The following C20orf96 variants were observed in gnomAD, a reference collection of about 807,000 sequenced individuals.
The protein encoded by C20orf96 is uncharacterized protein C20orf96.
A neutral mutation model predicts 52.6 loss-of-function variants in C20orf96; 57 were observed. That is an observed-to-expected ratio of 1.08 (90% CI 0.88 to 1.35). The LOEUF (loss-of-function observed/expected upper bound fraction) is 1.35. C20orf96 is among the 40% of genes most tolerant of loss of function. The pLI is 0.00. For synonymous variants in C20orf96, 168 were observed against 157.2 expected (o/e 1.07, Z -0.51); for missense variants, 478 against 443.6 (o/e 1.08, Z -0.70).
At chr20:283,931 G>A (rs2012314924) in intron 4 of C20orf96, 32 bp downstream of exon 4, 1 of 1,454,964 alleles carries the variant, frequency 6.9e-7, no homozygotes, top group East Asian at 2.3e-5. Flanking sequence ...CCCTGTCCTG[G>A]GCCCAGTGTC....
chr20:290,215 G>A (rs765212559), intron 2 of C20orf96, 44 bp downstream of exon 2: 7 of 1,494,600 alleles, frequency 4.7e-6, no homozygotes, highest in Non-Finnish European at 6.5e-6. Flanking sequence ...TGGACTGCAG[G>A]GCCAGCGAGC....
Position 279,349 on chromosome 20 carries a change from G to A in C20orf96, c.307-19C>T. 4 of 1,598,060 alleles carry A rather than the reference G, an allele frequency of 2.5e-6. No homozygotes were observed. The highest frequency in any genetic ancestry group is 3.4e-6 in the Non-Finnish European group (4 of 1,178,148). ...GCGAGGTCTGCGGGCGGAGGGAAGA[G>A]CAGAGAGGCGGCGCTGCGCCCTGCC... On this transcript the variant is annotated intron_variant, in intron 4 of 10. Coordinates refer to ENST00000360321, the MANE Select transcript of C20orf96 (RefSeq NM_153269.3).
At chr20:281,726 C>G (rs1179085233) in intron 4 of C20orf96, among the ~76,000 whole-genome samples, 1 of 152,206 alleles carries the variant, frequency 6.6e-6, no homozygotes, top group Non-Finnish European at 1.5e-5. Flanking sequence ...CACCTGTAAT[C>G]CCAGCACTTT....
At chr20:287,908 C>CAAAAAAAAAAAAAAAAAAAAAAAAA (rs71327437) in intron 3 of C20orf96, among the ~76,000 whole-genome samples, 2 of 63,088 alleles carry the variant, frequency 3.2e-5, no homozygotes, top group African/African-American at 1.1e-4. Context: ...GACTCCTTCT[C>CAAAAAAAAAAAAAAAAAAAAAAAAA]AAAAAAAAAA....
intron 10 of C20orf96, among the ~76,000 whole-genome samples, chr20:271,547 G>A (rs76606702): frequency 0.032 from 4,865 of 152,128 alleles, 169 homozygotes; most frequent in African/African-American, 0.089. Context: ...ACAAGTCTGA[G>A]GTCAAGAGGG....
In C20orf96 at chr20:279,203, C is replaced by A; in HGVS notation, c.434G>T (p.Arg145Leu). 6 of 1,605,240 alleles carry A rather than the reference C, an allele frequency of 3.7e-6. No individual in the cohort carries two copies. The highest frequency in any genetic ancestry group is 1.1e-5 in the South Asian group (1 of 90,740). The change falls in exon 5 of 11, where the codon CGG (arginine) becomes CTG (leucine). Residue 145 changes from arginine to leucine, a missense_variant. Physicochemically the swap from Arg to Leu is moderately radical, Grantham distance 102. Transcript: ENST00000360321. ...GGTGTCCTGCTGCTGCAGCAGGGCC[C>A]GCACGTGCAGGGTCGTGCTGTTCTC... ...EMENSTTLHVRALLQQQDTLA... is the reference protein window; with the variant it reads ...EMENSTTLHVLALLQQQDTLA...
At position 283,980 on chromosome 20, in the gene C20orf96, T is replaced by C; in HGVS notation, c.289A>G (p.Lys97Glu). 1 of 1,613,686 alleles carries C rather than the reference T, an allele frequency of 6.2e-7. No homozygotes were observed. The highest frequency in any genetic ancestry group is 1.3e-5 in the African/African-American group (1 of 75,052). Residue 97 changes from lysine (K) to glutamate (E), a missense_variant, in exon 4 of 11, where the codon AAA becomes GAA. Coordinates refer to ENST00000360321, the MANE Select transcript of C20orf96 (RefSeq NM_153269.3). ...RKLDPGKMHA[K>E]IWLMKTSLRS... ...CCTCATACCTTCATTAACCAGATTTTGGCATGCATCTTCCCAGGGTCCAAC... is the reference window on the plus strand; with the variant it reads ...CCTCATACCTTCATTAACCAGATTTCGGCATGCATCTTCCCAGGGTCCAAC...
At chr20:276,676 A>G (rs563266593) in intron 9 of C20orf96, 117 bp downstream of exon 9, 1 of 1,502,940 alleles carries the variant, frequency 6.7e-7, no homozygotes, top group East Asian at 2.5e-5. Flanking sequence ...GGCCAACACC[A>G]GAGTCAGAGA....
At chr20:289,858 T>C (rs2012493539) in intron 2 of C20orf96, among the ~76,000 whole-genome samples, 182 bp from the exon 3 acceptor site, 1 of 152,204 alleles carries the variant, frequency 6.6e-6, no homozygotes, top group South Asian at 2.1e-4. Context: ...CTGAGAGATA[T>C]TTATGAAGCA....
rs1285800060 is a variant in C20orf96 at position 277,253 on chromosome 20, C to G, written c.696G>C (p.Gln232His). Residue 232 changes from glutamine (Q) to histidine (H), a missense_variant, in exon 7 of 11, where the codon CAG becomes CAC. Gln to His is a conservative substitution (Grantham distance 24). Transcript: ENST00000360321. ...KSVQISTLMR[Q>H]LQQVKDSQQD... is the part of the protein sequence containing the mutation. ...GCTGGCTGTCCTTAACCTGCTGCAG[C>G]TGGCGCATAAGAGTGGAGATCTGGA... The G allele has an allele frequency of 6.2e-7, 1 of 1,614,194 alleles. No homozygotes were observed. The highest frequency in any genetic ancestry group is 1.3e-5 in the African/African-American group (1 of 75,046).
At chr20:288,325 G>A (rs1048157818) in intron 3 of C20orf96, among the ~76,000 whole-genome samples, 2 of 151,882 alleles carry the variant, frequency 1.3e-5, no homozygotes, top group African/African-American at 4.8e-5. Flanking sequence ...TTTCCTCACT[G>A]GGAAGTGTTG....
At chr20:278,508 G>T in intron 5 of C20orf96, 79 bp from the exon 6 acceptor site, 1 of 1,029,890 alleles carries the variant, frequency 9.7e-7, no homozygotes, top group Non-Finnish European at 1.5e-6. Flanking sequence ...CCTCAGAGGA[G>T]TCCCCAGTCC....
At chr20:282,807 G>A (rs566296134) in intron 4 of C20orf96, among the ~76,000 whole-genome samples, 5 of 152,162 alleles carry the variant, frequency 3.3e-5, no homozygotes, top group Non-Finnish European at 5.9e-5. Context: ...GGGAGGTGGA[G>A]GTTGCAGTGA....
Position 279,200 on chromosome 20 carries a change from G to T in C20orf96, c.437C>A (p.Ala146Asp). 1 of 1,604,972 alleles carries T rather than the reference G, an allele frequency of 6.2e-7. No homozygotes were observed. Among genetic ancestry groups the T allele is most frequent in the Non-Finnish European group, 8.5e-7 (1 of 1,177,644 alleles). The change falls in exon 5 of 11, where the codon GCC (alanine) becomes GAC (aspartate). Residue 146 changes from alanine to aspartate, a missense_variant. By Grantham distance (126) the Ala-to-Asp change is moderately radical (BLOSUM62 -2). Transcript: ENST00000360321. Reference protein sequence around the residue: ...MENSTTLHVRALLQQQDTLAT... With the variant: ...MENSTTLHVRDLLQQQDTLAT... ...CAGGGTGTCCTGCTGCTGCAGCAGG[G>T]CCCGCACGTGCAGGGTCGTGCTGTT...
In C20orf96 at chr20:276,830, C is replaced by T. The variant is rs2012040965; in HGVS notation, c.875G>A (p.Ser292Asn). The change falls in exon 9 of 11, where the codon AGC (serine) becomes AAC (asparagine). Residue 292 changes from serine to asparagine, a missense_variant. Transcript: ENST00000360321. ...EEALLQKMWE[S>N]QDFLKCMQRF... ...TTGCATGCATTTCAGGAAGTCCTGGCTTTCCCACATCTTCTGTAGGAGAGC... is the reference window on the plus strand; with the variant it reads ...TTGCATGCATTTCAGGAAGTCCTGGTTTTCCCACATCTTCTGTAGGAGAGC... 2.5e-6 allele frequency: 4 copies of T among 1,613,832 alleles called. No individual in the cohort carries two copies. The South Asian group carries it at 4.4e-5, about 18-fold the overall frequency.
intron 4 of C20orf96, among the ~76,000 whole-genome samples, chr20:283,356 T>G (rs1286079215): frequency 1.3e-5 from 2 of 151,820 alleles, no homozygotes; most frequent in African/African-American, 4.8e-5. Context: ...CAGGCTGGAG[T>G]GCAGTGGCAC....
chr20:278,179 T>C (rs8117412), intron 6 of C20orf96, 151 bp downstream of exon 6: 86,795 of 695,060 alleles, frequency 0.12, 5,679 homozygotes, highest in East Asian at 0.17. Flanking sequence ...GTAACTATGC[T>C]ATTCGCTCTG....
At chr20:276,665 A>T (rs1305184501) in intron 9 of C20orf96, 128 bp downstream of exon 9, 12 of 1,489,334 alleles carry the variant, frequency 8.1e-6, no homozygotes, top group Non-Finnish European at 9.8e-6. Context: ...GCAAGGAGGG[A>T]GGCCAACACC....
Position 277,120 on chromosome 20 carries a change from A to C in C20orf96, c.749T>G (p.Met250Arg), listed in dbSNP as rs1240794364. The change falls in exon 8 of 11, where the codon ATG becomes AGG. Residue 250 changes from methionine (M) to arginine (R), a missense_variant. Transcript: ENST00000360321. Reference protein sequence around the residue: ...QQDELDDLGEMRRKVLESLSD... With the variant: ...QQDELDDLGERRRKVLESLSD... Reference sequence around the variant, plus strand: ...CAAGGATTCCAGGACCTTTCTGCGCATCTCACCGAGGTCATCCAGCTCATC... The same window carrying C: ...CAAGGATTCCAGGACCTTTCTGCGCCTCTCACCGAGGTCATCCAGCTCATC... The C allele has an allele frequency of 3.1e-6, 5 of 1,613,726 alleles. No homozygotes were observed. The highest frequency in any genetic ancestry group is 4.2e-6 in the Non-Finnish European group (5 of 1,179,874).
Sources: gnomAD v4.1 joint callset for allele counts (sites outside exome capture counted in the v4.1 genomes callset) on GRCh38, gnomAD v4.1.1 for gene constraint, MANE v1.5 for transcripts, NCBI Gene and HGNC (gene_info 2026-07-23, HGNC 2026-07-21) for gene names.